Variants in BBS9 observed in about 807,000 individuals in gnomAD.
BBS9 encodes the protein protein PTHB1.
Under a neutral mutation model 117.7 loss-of-function variants are expected in BBS9, and 89 were observed. The observed-to-expected ratio is 0.76, with a 90% CI of 0.64 to 0.90. The LOEUF (loss-of-function observed/expected upper bound fraction) is 0.90. Ranked by LOEUF, BBS9 falls within the 40% of genes least tolerant of loss-of-function variation. The pLI is 0.00. For missense variants in BBS9, 982 were observed against 1,042.2 expected, an observed-to-expected ratio of 0.94 and a Z score of 0.80; for synonymous variants, 379 against 370.9, an observed-to-expected ratio of 1.02 and a Z score of -0.25.
intron 1 of BBS9, among the ~76,000 whole-genome samples, chr7:33,133,615 A>G (rs922776062): frequency 6.6e-6 from 1 of 152,192 alleles, no homozygotes; most frequent in Non-Finnish European, 1.5e-5. Context: ...ATGTTGTAAC[A>G]TATATCAGTA....
chr7:33,595,458 A>G (rs1287649364), intron 21 of BBS9, among the ~76,000 whole-genome samples: 1 of 152,204 alleles, frequency 6.6e-6, no homozygotes, highest in Non-Finnish European at 1.5e-5. Context: ...TGATCATTAG[A>G]GGAATGCAAA....
chr7:33,616,631 A>C (rs1865152991), intron 21 of BBS9, among the ~76,000 whole-genome samples: 1 of 151,668 alleles, frequency 6.6e-6, no homozygotes, highest in Non-Finnish European at 1.5e-5. Flanking sequence ...AATAGAAAAC[A>C]GTAACAAATA....
intron 21 of BBS9, among the ~76,000 whole-genome samples, chr7:33,580,321 A>G (rs1473645253): frequency 1.3e-5 from 2 of 151,582 alleles, no homozygotes; most frequent in African/African-American, 4.8e-5. Context: ...CACTCGAGAA[A>G]AGAAAGTTAA....
rs933822460 is a variant in BBS9 at position 33,383,119 on chromosome 7, G to C, written c.1790-547G>C. Among the ~76,000 whole-genome samples, 5 of 152,114 alleles carry C rather than the reference G, an allele frequency of 3.3e-5. No homozygotes were observed. In the East Asian group the frequency reaches 7.7e-4, roughly 23 times the overall value. ...GGAGTAGTGGAGCTGAGGTCTCAGG[G>C]AATAAAGGGAAACAAGATTTATATT... On this transcript the variant is annotated intron_variant, in intron 17 of 22. Transcript: ENST00000242067.
chr7:33,503,432 A>G (rs1377196030), intron 19 of BBS9, among the ~76,000 whole-genome samples: 1 of 152,222 alleles, frequency 6.6e-6, no homozygotes, highest in African/African-American at 2.4e-5. Flanking sequence ...CCTATGTTCA[A>G]TTAATTGGAG....
At chr7:33,254,144 T>C (rs953261930) in intron 5 of BBS9, among the ~76,000 whole-genome samples, 25 of 152,234 alleles carry the variant, frequency 1.6e-4, no homozygotes, top group East Asian at 1.9e-4. Flanking sequence ...ATATGTGTTT[T>C]ATAGATGTTC....
chr7:33,426,704 A>G (rs1456694557), intron 19 of BBS9, among the ~76,000 whole-genome samples: 2 of 152,074 alleles, frequency 1.3e-5, no homozygotes, highest in Admixed American at 1.3e-4. Context: ...AACTATGTTT[A>G]CTATTTCCTT....
intron 5 of BBS9, among the ~76,000 whole-genome samples, chr7:33,197,803 TA>T (rs768483957): frequency 6.6e-5 from 10 of 151,980 alleles, no homozygotes; most frequent in Non-Finnish European, 1.3e-4. Flanking sequence ...ATTATACTGT[TA>T]AAAAATTCCC....
At chr7:33,249,717 T>C (rs1373484022) in intron 5 of BBS9, among the ~76,000 whole-genome samples, 1 of 152,210 alleles carries the variant, frequency 6.6e-6, no homozygotes, top group Non-Finnish European at 1.5e-5. Context: ...ATTTAAAAAT[T>C]ATTTTTTCCT....
intron 5 of BBS9, among the ~76,000 whole-genome samples, chr7:33,252,279 T>C (rs1406749304): frequency 6.6e-6 from 1 of 152,158 alleles, no homozygotes; most frequent in African/African-American, 2.4e-5. Flanking sequence ...ACCTCCAACA[T>C]TGGAGATTAC....
Position 33,273,053 on chromosome 7 carries a change from A to G in BBS9, c.744A>G (p.Ile248Met), listed in dbSNP as rs1261247088. Residue 248 changes from isoleucine (I) to methionine (M), a missense_variant, in exon 8 of 23, where the codon ATA becomes ATG. Coordinates refer to ENST00000242067, the MANE Select transcript of BBS9 (RefSeq NM_198428.3). ...ATATTGGAGAGCAAGCCCTTGACAT[A>G]TGTATTGTCTCTTTCAATCAGTCGG... ...TLNIGEQALD[I>M]CIVSFNQSAS... The G allele has an allele frequency of 3.1e-6, 5 of 1,613,600 alleles. No homozygotes were observed. The highest frequency in any genetic ancestry group is 2.5e-6 in the Non-Finnish European group (3 of 1,179,788).
intron 2 of BBS9, among the ~76,000 whole-genome samples, chr7:33,149,843 G>C (rs866473740): frequency 2.6e-5 from 4 of 152,172 alleles, no homozygotes; most frequent in African/African-American, 9.7e-5. Flanking sequence ...GGGTTAGCTT[G>C]TTACCATGTG....
At chr7:33,387,113 C>T (rs1431745851) in intron 18 of BBS9, among the ~76,000 whole-genome samples, 1 of 152,048 alleles carries the variant, frequency 6.6e-6, no homozygotes, top group Non-Finnish European at 1.5e-5. Context: ...TTAACCAGTT[C>T]CCCTATTGAT....
At chr7:33,371,360 G>A (rs1267130084) in intron 17 of BBS9, among the ~76,000 whole-genome samples, 1 of 152,078 alleles carries the variant, frequency 6.6e-6, no homozygotes, top group Non-Finnish European at 1.5e-5. Context: ...TAAATTTTGA[G>A]TATCTAGTTT....
At position 33,578,355 on chromosome 7, in the gene BBS9, G is replaced by A. The variant is rs116705341; in HGVS notation, c.2522-26510G>A. 3.5e-3 allele frequency among the ~76,000 whole-genome samples: 528 copies of A among 152,300 alleles called. 1 individual carries two copies. Among genetic ancestry groups the A allele is most frequent in the African/African-American group, 0.012 (479 of 41,568 alleles). On this transcript the variant is annotated intron_variant, in intron 21 of 22. Transcript: ENST00000242067. ...CTCCAATGCTTGTTCTTCCCTACAA[G>A]GCAGGACACTCCCAAGTGGGATGAC...
At chr7:33,435,275 A>G (rs150666428) in intron 19 of BBS9, among the ~76,000 whole-genome samples, 1 of 152,298 alleles carries the variant, frequency 6.6e-6, no homozygotes, top group Non-Finnish European at 1.5e-5. Context: ...AATTCTATGT[A>G]TAAAATTTAC....
At chr7:33,407,461 G>A (rs945460523) in intron 19 of BBS9, among the ~76,000 whole-genome samples, 1 of 152,208 alleles carries the variant, frequency 6.6e-6, no homozygotes, top group Non-Finnish European at 1.5e-5. Flanking sequence ...ATCCAGCTTT[G>A]TTCCGTTGCT....
At chr7:33,582,156 T>C (rs1216207776) in intron 21 of BBS9, among the ~76,000 whole-genome samples, 1 of 152,124 alleles carries the variant, frequency 6.6e-6, no homozygotes. Context: ...CCTTGAGTTA[T>C]CTCAGTCAGG....
rs138367066 is a variant in BBS9, at chr7:33,136,362, A to G, written c.-12+6321A>G. ...AGCCTTTTATTTCCTTTTCTTACCT[A>G]ATTGCTATAGTTGAGAGCATCCAGT... is the stretch of plus-strand genomic sequence containing the variant. On this transcript the variant is annotated intron_variant, in intron 1 of 22. Coordinates refer to ENST00000242067, the MANE Select transcript of BBS9 (RefSeq NM_198428.3). 5.8e-4 allele frequency among the ~76,000 whole-genome samples: 89 copies of G among 152,202 alleles called. 1 individual carries two copies. In the East Asian group the frequency reaches 0.013, roughly 22 times the overall value.
Sources: allele counts gnomAD v4.1 joint callset (sites outside exome capture counted in the v4.1 genomes callset), GRCh38; gene constraint gnomAD v4.1.1; transcripts MANE v1.5; gene names NCBI Gene and HGNC (gene_info 2026-07-23, HGNC 2026-07-21).